Variants in VKORC1L1 observed in about 807,000 individuals in gnomAD.
VKORC1L1 encodes vitamin K epoxide reductase complex subunit 1-like protein 1.
VKORC1L1 carries 2 observed loss-of-function variants against 18.9 expected under a neutral mutation model. The observed-to-expected ratio is 0.11, with a 90% confidence interval of 0.04 to 0.33. The LOEUF (loss-of-function observed/expected upper bound fraction) is 0.33, where lower values mean the gene tolerates loss of function less well. Ranked by LOEUF, VKORC1L1 falls within the 10% of genes least tolerant of loss-of-function variation. The probability of loss-of-function intolerance (pLI) is 1.00; values close to 1 mark genes in which losing one functional copy is unlikely to be tolerated. For synonymous variants in VKORC1L1, 96 were observed against 100.0 expected, an observed-to-expected ratio of 0.96 and a Z score of 0.24; for missense variants, 123 against 224.1, an observed-to-expected ratio of 0.55 and a Z score of 2.88.
chr7:65,910,263 A>G (rs939715782), intron 1 of VKORC1L1, among the ~76,000 whole-genome samples: 1 of 152,184 alleles, frequency 6.6e-6, no homozygotes, highest in Non-Finnish European at 1.5e-5. Flanking sequence ...ATCCTTTTCT[A>G]TTAGCACATA....
intron 1 of VKORC1L1, among the ~76,000 whole-genome samples, chr7:65,889,494 G>A (rs202121457): frequency 0.01 from 1,263 of 121,884 alleles, no homozygotes; most frequent in East Asian, 0.013. Context: ...CAATCACCAG[G>A]CCCCATTGAT....
At chr7:65,877,248 A>G (rs978901660) in intron 1 of VKORC1L1, among the ~76,000 whole-genome samples, 1 of 152,160 alleles carries the variant, frequency 6.6e-6, no homozygotes, top group Admixed American at 6.6e-5. Context: ...TTAAACATTA[A>G]TTGTTTTAAT....
intron 1 of VKORC1L1, among the ~76,000 whole-genome samples, chr7:65,919,785 C>T (rs1562995572): frequency 6.6e-6 from 1 of 152,108 alleles, no homozygotes; most frequent in South Asian, 2.1e-4. Flanking sequence ...AGGCCGGGCG[C>T]GGTGGCTCAT....
intron 2 of VKORC1L1, among the ~76,000 whole-genome samples, chr7:65,949,260 A>T (rs1790173284): frequency 6.6e-6 from 1 of 152,102 alleles, no homozygotes. Context: ...TAGGCAGATC[A>T]TCTGAGGTTG....
chr7:65,870,824 A>C (rs1353418012), upstream of VKORC1L1, among the ~76,000 whole-genome samples: 3 of 152,186 alleles, frequency 2.0e-5, no homozygotes, highest in Non-Finnish European at 4.4e-5. Flanking sequence ...TCTGTCATCC[A>C]GGCTGGAGTG....
chr7:65,903,857 C>A (rs1185611767), intron 1 of VKORC1L1, among the ~76,000 whole-genome samples: 13 of 150,768 alleles, frequency 8.6e-5, no homozygotes, highest in Admixed American at 7.9e-4. Context: ...AGGCAGAAGG[C>A]AAATGGTTTA....
intron 1 of VKORC1L1, among the ~76,000 whole-genome samples, chr7:65,891,997 T>G (rs1048111907): frequency 1.3e-5 from 2 of 152,208 alleles, no homozygotes; most frequent in Non-Finnish European, 2.9e-5. Flanking sequence ...TGGGTTCAAT[T>G]TTTTTTCTTT....
chr7:65,949,398 G>A (rs918469011), intron 2 of VKORC1L1, among the ~76,000 whole-genome samples: 1 of 152,072 alleles, frequency 6.6e-6, no homozygotes, highest in Non-Finnish European at 1.5e-5. Flanking sequence ...AGAGTCACTT[G>A]AACCCGGGAG....
intron 1 of VKORC1L1, among the ~76,000 whole-genome samples, chr7:65,880,690 A>G (rs893681675): frequency 6.6e-6 from 1 of 152,188 alleles, no homozygotes; most frequent in Non-Finnish European, 1.5e-5. Flanking sequence ...CTCAATCATT[A>G]GGAAGAACTT....
At chr7:65,892,400 T>G (rs765539596) in intron 1 of VKORC1L1, among the ~76,000 whole-genome samples, 6 of 152,212 alleles carry the variant, frequency 3.9e-5, no homozygotes, top group Non-Finnish European at 5.9e-5. Context: ...CCAACAACAG[T>G]GTACAAGGGT....
At chr7:65,871,645 C>G (rs905478093), upstream of VKORC1L1, among the ~76,000 whole-genome samples, 3 of 152,216 alleles carry the variant, frequency 2.0e-5, no homozygotes, top group Non-Finnish European at 4.4e-5. Flanking sequence ...CTGGGGTAAG[C>G]CTGCCGCTTC....
At chr7:65,873,958 G>A (rs1373138005) in intron 1 of VKORC1L1, among the ~76,000 whole-genome samples, 2 of 152,166 alleles carry the variant, frequency 1.3e-5, no homozygotes, top group Admixed American at 1.3e-4. Context: ...CCGGGGGTGT[G>A]GGACCTTGTC....
intron 1 of VKORC1L1, among the ~76,000 whole-genome samples, chr7:65,888,091 G>A (rs1037730485): frequency 2.4e-4 from 36 of 152,312 alleles, no homozygotes; most frequent in Admixed American, 9.8e-4. Context: ...CCCTGTGTGT[G>A]TATGTGTCTG....
intron 1 of VKORC1L1, among the ~76,000 whole-genome samples, chr7:65,939,062 A>C (rs1199281749): frequency 1.3e-5 from 2 of 152,236 alleles, no homozygotes; most frequent in African/African-American, 2.4e-5. Context: ...TGTTGGTGGC[A>C]TTAAACAGGA....
At chr7:65,934,220 A>AC (rs746599698) in intron 1 of VKORC1L1, among the ~76,000 whole-genome samples, 9 of 151,982 alleles carry the variant, frequency 5.9e-5, no homozygotes, top group East Asian at 1.9e-4. Flanking sequence ...ACATAGTGAG[A>AC]CCCCCATCTC....
intron 1 of VKORC1L1, among the ~76,000 whole-genome samples, chr7:65,880,556 AG>A (rs1788910808): frequency 6.6e-6 from 1 of 152,182 alleles, no homozygotes; most frequent in Non-Finnish European, 1.5e-5. Flanking sequence ...AGATTGGGGT[AG>A]CTTTTTCGGA....
chr7:65,901,846 A>C (rs1439373364), intron 1 of VKORC1L1, among the ~76,000 whole-genome samples: 1 of 152,190 alleles, frequency 6.6e-6, no homozygotes, highest in Non-Finnish European at 1.5e-5. Context: ...GGAAAGCAGC[A>C]GGCCAAACAA....
the VKORC1L1 span, among the ~76,000 whole-genome samples, chr7:65,867,202 AAGG>A: frequency 4.9e-4 from 75 of 151,758 alleles, no homozygotes; most frequent in African/African-American, 1.7e-3. Flanking sequence ...AAGAAAGAAG[AAGG>A]AGAAGGAGAA....
chr7:65,953,797 T>C (rs568701294), intron 2 of VKORC1L1, among the ~76,000 whole-genome samples: 2 of 152,182 alleles, frequency 1.3e-5, no homozygotes, highest in African/African-American at 2.4e-5. Flanking sequence ...ACTCAGGAGG[T>C]AGAGGTTGCA....
Sources: allele counts gnomAD v4.1 joint callset (sites outside exome capture counted in the v4.1 genomes callset), GRCh38; gene constraint gnomAD v4.1.1; transcripts MANE v1.5; gene names NCBI Gene and HGNC (gene_info 2026-07-23, HGNC 2026-07-21).